GDAP1: variants seen among roughly 807,000 people sequenced by gnomAD.
GDAP1 encodes the protein ganglioside induced differentiation associated protein 1.
GDAP1 carries 34 observed loss-of-function variants against 40.1 expected under a neutral mutation model. That is an observed-to-expected ratio of 0.85 (90% confidence interval 0.64 to 1.13). The LOEUF (loss-of-function observed/expected upper bound fraction) is 1.13, where lower values mean the gene tolerates loss of function less well. GDAP1 is among the 50% of genes most tolerant of loss of function. GDAP1 has a pLI of 0.00. For missense variants in GDAP1, 374 were observed against 433.7 expected, an observed-to-expected ratio of 0.86 and a Z score of 1.22; for synonymous variants, 170 against 157.4, an observed-to-expected ratio of 1.08 and a Z score of -0.60.
chr8:74,380,202 GA>G (rs1231119309), intron 2 of GDAP1, among the ~76,000 whole-genome samples: 1 of 152,136 alleles, frequency 6.6e-6, no homozygotes, highest in Admixed American at 6.5e-5. Flanking sequence ...TTAGTCATCA[GA>G]AACAAAAGCC....
chr8:74,440,891 C>T (rs910580853), intron 2 of GDAP1, among the ~76,000 whole-genome samples: 12 of 152,036 alleles, frequency 7.9e-5, no homozygotes, highest in Non-Finnish European at 1.5e-4. Flanking sequence ...TGCAAACTCA[C>T]GTAACTAACA....
chr8:74,486,928 C>A (rs1806783200), intron 2 of GDAP1, among the ~76,000 whole-genome samples: 1 of 152,098 alleles, frequency 6.6e-6, no homozygotes, highest in South Asian at 2.1e-4. Flanking sequence ...CATGAATAGG[C>A]TTTGGAGTCA....
At chr8:74,420,872 G>T (rs1264562889) in intron 2 of GDAP1, among the ~76,000 whole-genome samples, 3 of 151,762 alleles carry the variant, frequency 2.0e-5, no homozygotes, top group African/African-American at 7.3e-5. Context: ...TTAAGTTCTG[G>T]GGTACATGTG....
chr8:74,388,707 A>T (rs892455020), intron 2 of GDAP1, among the ~76,000 whole-genome samples: 1 of 152,116 alleles, frequency 6.6e-6, no homozygotes, highest in South Asian at 2.1e-4. Flanking sequence ...ACTTGGTCCA[A>T]GTTGAGTTCA....
chr8:74,465,192 G>C (rs965464390), intron 2 of GDAP1, among the ~76,000 whole-genome samples: 15 of 152,114 alleles, frequency 9.9e-5, no homozygotes, highest in Admixed American at 3.9e-4. Flanking sequence ...TTGCACTCCA[G>C]CCTGGGTGAC....
At chr8:74,356,717 T>TATATATATATA (rs1554547167) in intron 2 of GDAP1, among the ~76,000 whole-genome samples, 6 of 22,230 alleles carry the variant, frequency 2.7e-4, no homozygotes, top group African/African-American at 3.6e-4. Flanking sequence ...TATATATATA[T>TATATATATATA]TTTTTTTTTT....
Position 74,366,780 on chromosome 8 carries a change from A to G in GDAP1, c.*2413A>G. On this transcript the variant is annotated 3_prime_UTR_variant, in exon 6 of 6. Coordinates refer to ENST00000220822, the MANE Select transcript of GDAP1 (RefSeq NM_018972.4). ...TTATTGCTGTTGACACCAGCGTTGT[A>G]GATTTTTGGTGTTGTTGAATGCAGT... 1 of 453,934 alleles carries G rather than the reference A, an allele frequency of 2.2e-6. No homozygotes were observed. Among genetic ancestry groups the G allele is most frequent in the South Asian group, 1.6e-5 (1 of 64,424 alleles). 28.1% of individuals were successfully genotyped at this position (453,934 alleles called of 1,614,324 possible).
intron 2 of GDAP1, among the ~76,000 whole-genome samples, chr8:74,475,854 A>G (rs949331636): frequency 1.3e-5 from 2 of 152,122 alleles, no homozygotes; most frequent in East Asian, 1.9e-4. Context: ...TTCTGACTCA[A>G]TGATCTGTCT....
intron 2 of GDAP1, among the ~76,000 whole-genome samples, chr8:74,419,270 C>A (rs1316216050): frequency 6.6e-6 from 1 of 152,132 alleles, no homozygotes; most frequent in African/African-American, 2.4e-5. Flanking sequence ...CAAGTAGAAA[C>A]CATCCAAATG....
intron 2 of GDAP1, among the ~76,000 whole-genome samples, chr8:74,357,386 T>G (rs1159430964): frequency 6.6e-6 from 1 of 152,210 alleles, no homozygotes; most frequent in Non-Finnish European, 1.5e-5. Flanking sequence ...CAAATGTAAT[T>G]TAAAAAAATG....
At chr8:74,464,872 A>G (rs1806448594) in intron 2 of GDAP1, among the ~76,000 whole-genome samples, 1 of 152,204 alleles carries the variant, frequency 6.6e-6, no homozygotes, top group African/African-American at 2.4e-5. Flanking sequence ...ACAATTTAAG[A>G]TATCACCTTT....
At chr8:74,464,514 T>C (rs1267033477) in intron 2 of GDAP1, among the ~76,000 whole-genome samples, 1 of 152,210 alleles carries the variant, frequency 6.6e-6, no homozygotes, top group African/African-American at 2.4e-5. Flanking sequence ...AAAAGCCCAA[T>C]GAAGCAAGTT....
At position 74,450,448 on chromosome 8, in the gene GDAP1, A is replaced by G. The variant is rs77120901; in HGVS notation, c.166-38230A>G. Reference sequence around the variant, plus strand: ...TGAAGGAGATGTATTAAAATATTCAATTCTGAATGTGATCTTTTTTGTCCC... The same window carrying G: ...TGAAGGAGATGTATTAAAATATTCAGTTCTGAATGTGATCTTTTTTGTCCC... On this transcript the variant is annotated intron_variant, in intron 2 of 2. Transcript: ENST00000523640. Among the ~76,000 whole-genome samples, 1,327 of 151,972 alleles carry G rather than the reference A, an allele frequency of 8.7e-3. 43 individuals carry two copies. Among genetic ancestry groups the G allele is most frequent in the Admixed American group, 0.049 (741 of 15,256 alleles).
At chr8:74,361,752 A>C (rs1164303091) in intron 3 of GDAP1, 132 bp from the exon 4 acceptor site, 2 of 693,374 alleles carry the variant, frequency 2.9e-6, no homozygotes, top group African/African-American at 3.5e-5. Context: ...TAGACAGGGT[A>C]AGCCCAAGGC....
intron 2 of GDAP1, among the ~76,000 whole-genome samples, chr8:74,387,937 CATTTCT>C (rs927384973): frequency 1.3e-5 from 2 of 152,066 alleles, no homozygotes; most frequent in African/African-American, 4.8e-5. Flanking sequence ...GGAATTTATC[CATTTCT>C]TCTATGTTTT....
chr8:74,371,615 G>A (rs986321530), downstream of GDAP1, among the ~76,000 whole-genome samples: 2 of 151,052 alleles, frequency 1.3e-5, no homozygotes, highest in Admixed American at 6.6e-5. Flanking sequence ...AGCCGAGATC[G>A]CGCCACTGCA....
intron 2 of GDAP1, among the ~76,000 whole-genome samples, chr8:74,485,994 G>C (rs1289105216): frequency 1.3e-5 from 2 of 152,130 alleles, no homozygotes; most frequent in Non-Finnish European, 2.9e-5. Flanking sequence ...TGAACTCAGG[G>C]GCAGCAATTC....
chr8:74,375,768 T>C (rs543016777), intron 2 of GDAP1, among the ~76,000 whole-genome samples: 76 of 152,260 alleles, frequency 5.0e-4, no homozygotes, highest in African/African-American at 1.7e-3. Context: ...TGTTATCCCA[T>C]GGAGTAATAG....
intron 2 of GDAP1, among the ~76,000 whole-genome samples, chr8:74,443,874 A>G (rs1806193791): frequency 6.6e-6 from 1 of 152,046 alleles, no homozygotes; most frequent in African/African-American, 2.4e-5. Context: ...TCCCAATTTC[A>G]GCCCTCTGCA....
Sources: allele counts gnomAD v4.1 joint callset (sites outside exome capture counted in the v4.1 genomes callset), GRCh38; gene constraint gnomAD v4.1.1; transcripts MANE v1.5; gene names NCBI Gene and HGNC (gene_info 2026-07-23, HGNC 2026-07-21).